Variants in PPM1A observed in about 807,000 individuals in gnomAD.
The protein encoded by PPM1A is protein phosphatase 1A.
PPM1A carries 7 observed loss-of-function variants against 35.0 expected under a neutral mutation model. That is an observed-to-expected ratio of 0.20 (90% CI 0.11 to 0.38). The LOEUF is 0.38. Among genes scored for constraint, PPM1A ranks in the 10% least tolerant of loss-of-function variants. The pLI is 1.00. For synonymous variants in PPM1A, 153 were observed against 167.3 expected (o/e 0.91, Z 0.66); for missense variants, 239 against 467.8 (o/e 0.51, Z 4.51).
chr14:60,262,007 C>G (rs1883798047), intron 1 of PPM1A, among the ~76,000 whole-genome samples: 1 of 152,098 alleles, frequency 6.6e-6, no homozygotes, highest in South Asian at 2.1e-4. Context: ...AGTTTCTTAT[C>G]AGAAATACTG....
At chr14:60,265,101 A>G (rs780508041) in intron 1 of PPM1A, among the ~76,000 whole-genome samples, 1 of 152,112 alleles carries the variant, frequency 6.6e-6, no homozygotes, top group Non-Finnish European at 1.5e-5. Context: ...ATGCACCTAC[A>G]TCTCTGTCTA....
At chr14:60,268,298 T>C in intron 1 of PPM1A, 1 of 984,456 alleles carries the variant, frequency 1.0e-6, no homozygotes, top group Non-Finnish European at 1.2e-6. Context: ...TCCAGGTTTC[T>C]GGTCTTCACT....
chr14:60,256,290 G>T (rs1039473511), intron 1 of PPM1A, among the ~76,000 whole-genome samples: 1 of 137,558 alleles, frequency 7.3e-6, no homozygotes, highest in Non-Finnish European at 1.7e-5. Flanking sequence ...GTGGTGGCAC[G>T]GGCATGGTGG....
At chr14:60,286,528 C>A in intron 3 of PPM1A, 6 of 984,930 alleles carry the variant, frequency 6.1e-6, no homozygotes, top group Non-Finnish European at 7.2e-6. Flanking sequence ...AGAAAAAAAA[C>A]AAGAAAAAAA....
At chr14:60,267,111 T>C (rs1454298226) in intron 1 of PPM1A, 3 of 152,186 alleles carry the variant, frequency 2.0e-5, no homozygotes, top group African/African-American at 7.2e-5. Context: ...TTTGCCATCA[T>C]GTCATTAACT....
rs1888245527 is a variant in PPM1A at position 60,298,694 on chromosome 14, T to C, written c.*6212T>C. On this transcript the variant is annotated 3_prime_UTR_variant, in exon 6 of 6. Transcript: ENST00000395076. The stretch of plus-strand genomic sequence containing the variant: ...TATCACTTAATTTGTATAAATGTTA[T>C]GAGTGGAGAGACATGTACATGTTAA... 6.6e-6 allele frequency: 1 copy of C among 151,864 alleles called. No homozygotes were observed. The highest frequency in any genetic ancestry group is 2.4e-5 in the African/African-American group (1 of 41,438). The allele number at this position is 151,864 out of a possible 1,614,324, so 9.4% of individuals were successfully genotyped here.
At chr14:60,254,263 A>G (rs1269403956) in intron 1 of PPM1A, among the ~76,000 whole-genome samples, 2 of 117,352 alleles carry the variant, frequency 1.7e-5, no homozygotes, top group African/African-American at 1.1e-4. Flanking sequence ...TTGCATTTGA[A>G]TAGACTAAAA....
chr14:60,245,858 C>T, upstream of PPM1A: 1 of 1,591,392 alleles, frequency 6.3e-7, no homozygotes, highest in Non-Finnish European at 8.6e-7. The surrounding 1 kb of genome is among the most constrained non-coding windows in gnomAD (Gnocchi z 4.2). Flanking sequence ...ATGTTCTGTT[C>T]TGGGAGAAAA....
Position 60,277,007 on chromosome 14 carries a change from C to T in PPM1A, c.-20-5677C>T, listed in dbSNP as rs901096082. ...TTCAGTCTTGTTTTTTGTCATAGTA[C>T]TTTGTTTTGAAAAGTTCAGATCAAC... On this transcript the variant is annotated intron_variant, in intron 1 of 5. Coordinates refer to ENST00000395076, the MANE Select transcript of PPM1A (RefSeq NM_021003.5). 63 of 1,141,622 alleles carry T rather than the reference C, an allele frequency of 5.5e-5. 1 individual carries two copies. The highest frequency in any genetic ancestry group is 4.5e-5 in the Non-Finnish European group (41 of 906,164). The allele number at this position is 1,141,622 out of a possible 1,614,324, so 70.7% of individuals were successfully genotyped here. A position where few individuals can be genotyped will look rare whatever the true frequency, so the allele number is the denominator to read the frequency against.
At position 60,282,658 on chromosome 14, in the gene PPM1A, A is replaced by C. The variant is rs779335714; in HGVS notation, c.-20-26A>C. On this transcript the variant is annotated intron_variant, in intron 1 of 5. Transcript: ENST00000395076. This position sits in a 1 kb window ranked among gnomAD's most constrained non-coding sequence, Gnocchi z 5.1. Reference sequence around the variant, plus strand: ...TATTTTGTTTATAAGACAGTTATTGACTTTCCTGTTTCTCTTCCTTTGCAG... The same window carrying C: ...TATTTTGTTTATAAGACAGTTATTGCCTTTCCTGTTTCTCTTCCTTTGCAG... The C allele has an allele frequency of 6.3e-7, 1 of 1,599,872 alleles. No homozygotes were observed. The highest frequency in any genetic ancestry group is 8.5e-7 in the Non-Finnish European group (1 of 1,172,146).
chr14:60,246,944 GAAGA>G (rs927767517), upstream of PPM1A, among the ~76,000 whole-genome samples: 6 of 152,216 alleles, frequency 3.9e-5, no homozygotes, highest in Admixed American at 1.3e-4. Flanking sequence ...AGAACAGAGA[GAAGA>G]AAGGTGTGGA....
At chr14:60,245,843 C>T, upstream of PPM1A, 1 of 1,577,788 alleles carries the variant, frequency 6.3e-7, no homozygotes, top group Non-Finnish European at 8.6e-7. The surrounding 1 kb of genome is among the most constrained non-coding windows in gnomAD (Gnocchi z 4.2). Flanking sequence ...GCACTGTCTG[C>T]TCGCATGTTC....
At chr14:60,267,709 G>A (rs1884560026) in intron 1 of PPM1A, among the ~76,000 whole-genome samples, 1 of 151,954 alleles carries the variant, frequency 6.6e-6, no homozygotes, top group African/African-American at 2.4e-5. Flanking sequence ...AGCTTATTTT[G>A]AGAACAATCC....
chr14:60,254,097 T>C (rs1347669142), intron 1 of PPM1A, among the ~76,000 whole-genome samples: 2 of 152,182 alleles, frequency 1.3e-5, no homozygotes, highest in Non-Finnish European at 2.9e-5. Context: ...CTGTTATTAT[T>C]GAGTATATGA....
chr14:60,270,690 GTCTT>G (rs984995556), intron 1 of PPM1A, among the ~76,000 whole-genome samples: 2 of 127,736 alleles, frequency 1.6e-5, no homozygotes, highest in African/African-American at 3.7e-5. Context: ...AAGAAACTTT[GTCTT>G]TCTTGATTTT....
At chr14:60,268,229 T>C in intron 1 of PPM1A, 1 of 921,364 alleles carries the variant, frequency 1.1e-6, no homozygotes, top group Admixed American at 6.2e-5. Flanking sequence ...TTGCATTTTG[T>C]TTTTCATGAG....
intron 1 of PPM1A, among the ~76,000 whole-genome samples, chr14:60,267,910 A>G (rs551983260): frequency 6.6e-5 from 10 of 152,244 alleles, no homozygotes; most frequent in Admixed American, 6.5e-4. Context: ...AAGACTCAGT[A>G]TGGACATCAT....
intron 1 of PPM1A, among the ~76,000 whole-genome samples, chr14:60,250,063 C>G (rs1882189684): frequency 6.6e-6 from 1 of 151,366 alleles, no homozygotes; most frequent in Non-Finnish European, 1.5e-5. Flanking sequence ...TCCCCGCGCC[C>G]CCACCCGCTC....
At chr14:60,281,575 A>G (rs1886412152) in intron 1 of PPM1A, among the ~76,000 whole-genome samples, 1 of 152,064 alleles carries the variant, frequency 6.6e-6, no homozygotes, top group Non-Finnish European at 1.5e-5. Flanking sequence ...CCTCCATTAA[A>G]TCTCTGTTCA....
Sources: allele counts gnomAD v4.1 joint callset (sites outside exome capture counted in the v4.1 genomes callset), GRCh38; gene constraint gnomAD v4.1.1; non-coding constraint Gnocchi (gnomAD v3.1); transcripts MANE v1.5; gene names NCBI Gene and HGNC (gene_info 2026-07-23, HGNC 2026-07-21).